The following JADE3 variants were observed in gnomAD, a reference collection of about 807,000 sequenced individuals.
JADE3 encodes jade family PHD finger 3.
A neutral mutation model predicts 50.1 loss-of-function variants in JADE3; 2 were observed. The ratio of observed to expected loss-of-function variants is 0.04; its 90% CI spans 0.02 to 0.13. The LOEUF is 0.13. Ranked by LOEUF, JADE3 falls within the 10% of genes least tolerant of loss-of-function variation. The pLI is 1.00. For missense variants in JADE3, 475 were observed against 634.4 expected (o/e 0.75, Z 2.70); for synonymous variants, 218 against 232.9 (o/e 0.94, Z 0.58).
At chrX:46,999,262 C>A (rs1186029884) in intron 4 of JADE3, among the ~76,000 whole-genome samples, 1 of 108,760 alleles carries the variant, frequency 9.2e-6, no homozygotes, top group Non-Finnish European at 1.9e-5. Context: ...TTAGTCAATT[C>A]ATGAGCACTC....
At chrX:47,050,079 G>A (rs782195938) in intron 8 of JADE3, among the ~76,000 whole-genome samples, 42 of 109,414 alleles carry the variant, frequency 3.8e-4, no homozygotes, top group South Asian at 7.9e-4. Context: ...TACCACAGGC[G>A]TGCACCACCA....
At chrX:47,025,876 G>T (rs1379160401) in intron 5 of JADE3, among the ~76,000 whole-genome samples, 1 of 111,469 alleles carries the variant, frequency 9.0e-6, no homozygotes, top group African/African-American at 3.3e-5. Context: ...TTTTCTTCCC[G>T]CCCTCCCTTT....
At chrX:46,949,726 C>T (rs1926962501) in intron 1 of JADE3, among the ~76,000 whole-genome samples, 1 of 111,871 alleles carries the variant, frequency 8.9e-6, no homozygotes, top group Non-Finnish European at 1.9e-5. Context: ...TCTTTTCAGT[C>T]AGTCCCCTCT....
At chrX:47,006,383 A>G (rs1297947905) in intron 4 of JADE3, among the ~76,000 whole-genome samples, 1 of 109,944 alleles carries the variant, frequency 9.1e-6, no homozygotes, top group Non-Finnish European at 1.9e-5. Flanking sequence ...TTTTGGGCTC[A>G]AGTGATCCTC....
chrX:47,028,336 A>G (rs1345906324), intron 6 of JADE3, among the ~76,000 whole-genome samples: 2 of 109,803 alleles, frequency 1.8e-5, no homozygotes, highest in African/African-American at 6.6e-5. Context: ...GTGTCACTTT[A>G]TGCCCAGACC....
chrX:47,034,524 G>A (rs1929091116), intron 7 of JADE3, among the ~76,000 whole-genome samples: 1 of 111,461 alleles, frequency 9.0e-6, no homozygotes, highest in Non-Finnish European at 1.9e-5. Flanking sequence ...TTGTTTACAG[G>A]TTTAGGCTAT....
intron 1 of JADE3, among the ~76,000 whole-genome samples, chrX:46,930,628 C>T (rs1926469553): frequency 1.8e-5 from 2 of 111,761 alleles, no homozygotes; most frequent in Non-Finnish European, 3.8e-5. Context: ...GCTTAATAGA[C>T]AACCAAACTT....
chrX:47,058,044 A>G, intron 10 of JADE3, 123 bp from the exon 11 acceptor site: 2 of 567,911 alleles, frequency 3.5e-6, no homozygotes, highest in East Asian at 7.0e-5. Flanking sequence ...TGATATACAT[A>G]CATAGCAGAG....
intron 3 of JADE3, among the ~76,000 whole-genome samples, chrX:46,991,889 A>G (rs977915998): frequency 2.7e-5 from 3 of 110,971 alleles, no homozygotes; most frequent in African/African-American, 9.8e-5. Flanking sequence ...GAGGGGCAGT[A>G]TTCGCTAATC....
chrX:46,951,863 T>C (rs1927013194), intron 1 of JADE3, among the ~76,000 whole-genome samples: 1 of 111,677 alleles, frequency 9.0e-6, no homozygotes, highest in African/African-American at 3.3e-5. Flanking sequence ...ATCTTCTTTT[T>C]ACTGATATTT....
At chrX:47,027,170 T>G (rs782071288) in intron 5 of JADE3, among the ~76,000 whole-genome samples, 10 of 112,270 alleles carry the variant, frequency 8.9e-5, no homozygotes, top group Middle Eastern at 9.2e-3. Context: ...GTCACAAAAT[T>G]TGATTAATAA....
At chrX:46,963,782 A>G (rs781803777) in intron 1 of JADE3, among the ~76,000 whole-genome samples, 5 of 111,781 alleles carry the variant, frequency 4.5e-5, no homozygotes, top group Admixed American at 2.8e-4. Context: ...AAGAGTGAAT[A>G]GAAGCAGCAA....
chrX:46,995,632 A>C (rs917183861), intron 3 of JADE3, among the ~76,000 whole-genome samples: 4 of 112,098 alleles, frequency 3.6e-5, no homozygotes, highest in African/African-American at 1.3e-4. Flanking sequence ...TTCAGTTCAA[A>C]AACTTTAAAA....
At chrX:46,927,543 C>G (rs1366668728) in intron 1 of JADE3, among the ~76,000 whole-genome samples, 3 of 111,922 alleles carry the variant, frequency 2.7e-5, no homozygotes, top group Admixed American at 1.9e-4. Context: ...ACTGAAGAAT[C>G]AGATTCACCA....
intron 3 of JADE3, among the ~76,000 whole-genome samples, chrX:46,994,801 A>T (rs1928088598): frequency 8.9e-6 from 1 of 111,980 alleles, no homozygotes; most frequent in Non-Finnish European, 1.9e-5. Context: ...ATAATAAAAT[A>T]ACACCATCTA....
In JADE3 at chrX:47,056,139, A is replaced by C. The variant is rs1556373369; in HGVS notation, c.1501A>C (p.Lys501Gln). The C allele has an allele frequency of 8.3e-7, 1 of 1,208,422 alleles. No individual in the cohort carries two copies. Among genetic ancestry groups the C allele is most frequent in the Admixed American group, 2.2e-5 (1 of 45,993 alleles). Residue 501 changes from lysine to glutamine, a missense_variant, in exon 10 of 11, where the codon AAA becomes CAA. By Grantham distance (53) the Lys-to-Gln change is moderately conservative (BLOSUM62 1). Coordinates refer to ENST00000614628, the MANE Select transcript of JADE3 (RefSeq NM_014735.5). ...AGAGAAGCTGAAGCTGTCACACAAC[A>C]AAATACAGGAACAGATCTTCGGTTT... ...RREKLKLSHN[K>Q]IQEQIFGLQV...
intron 4 of JADE3, among the ~76,000 whole-genome samples, chrX:47,001,778 G>T (rs1012609260): frequency 1.6e-4 from 18 of 111,791 alleles, no homozygotes; most frequent in African/African-American, 5.8e-4. Context: ...ACATTTTTAA[G>T]TACTATATAA....
intron 8 of JADE3, among the ~76,000 whole-genome samples, chrX:47,051,024 A>G (rs1929492423): frequency 9.0e-6 from 1 of 111,435 alleles, no homozygotes. Flanking sequence ...CTTTTCTGAT[A>G]GTGGTGTTAA....
chrX:47,001,040 C>T (rs138098826), intron 4 of JADE3, among the ~76,000 whole-genome samples: 1,989 of 111,347 alleles, frequency 0.018, 17 homozygotes, highest in Non-Finnish European at 0.028. Flanking sequence ...GCCTATCATA[C>T]GAAACTCTTA....
Sources: gnomAD v4.1 joint callset for allele counts (sites outside exome capture counted in the v4.1 genomes callset) on GRCh38, gnomAD v4.1.1 for gene constraint, MANE v1.5 for transcripts, NCBI Gene and HGNC (gene_info 2026-07-23, HGNC 2026-07-21) for gene names.